Variants in ERCC2 observed in about 807,000 individuals in gnomAD.
The protein encoded by ERCC2 is general transcription and DNA repair factor IIH helicase subunit XPD.
In ERCC2, 90 loss-of-function variants were observed where a neutral mutation model predicts 99.4. The observed-to-expected ratio is 0.91, with a 90% CI of 0.76 to 1.08. The LOEUF (loss-of-function observed/expected upper bound fraction) is 1.08, where lower values mean the gene tolerates loss of function less well. Among genes scored for constraint, ERCC2 ranks in the 50% least tolerant of loss-of-function variants. ERCC2 has a pLI of 0.00. For missense variants in ERCC2, 993 were observed against 1,038.1 expected, an observed-to-expected ratio of 0.96 and a Z score of 0.60; for synonymous variants, 497 against 432.4, an observed-to-expected ratio of 1.15 and a Z score of -1.85.
intron 3 of ERCC2, 22 bp downstream of exon 3, chr19:45,369,048 A>T: frequency 6.2e-7 from 1 of 1,613,950 alleles, no homozygotes; most frequent in Non-Finnish European, 8.5e-7. Flanking sequence ...GTCTGCCTTT[A>T]CGGGTTCAGC....
At chr19:45,361,927 T>C in intron 11 of ERCC2, 2 of 416,020 alleles carry the variant, frequency 4.8e-6, no homozygotes, top group Non-Finnish European at 4.6e-6. Context: ...AGTGGGTTCT[T>C]TTTTTCTTTT....
chr19:45,352,390 T>C (rs920242540), intron 21 of ERCC2, 38 bp from the exon 22 acceptor site: 2 of 1,613,332 alleles, frequency 1.2e-6, no homozygotes, highest in Admixed American at 1.7e-5. Flanking sequence ...AGAAGGTCAT[T>C]CGGGGAGCCT....
chr19:45,352,722 T>TC (rs761978181), intron 20 of ERCC2, 24 bp downstream of exon 20: 1 of 1,613,566 alleles, frequency 6.2e-7, no homozygotes, highest in Non-Finnish European at 8.5e-7. Context: ...ACTGTGGGAC[T>TC]CCCTGGGAGA....
In ERCC2 at chr19:45,368,706, T is replaced by C. The variant is rs571718677; in HGVS notation, c.284A>G (p.Glu95Gly). The part of the protein sequence containing the change: ...EELRKLLNFY[E>G]KQEGEKLPFL... ...CGGCAGCTTCTCGCCCTCCTGCTTCTCATAGAAGTTGAGCAACTTTCGAAG... is the reference window on the plus strand; with the variant it reads ...CGGCAGCTTCTCGCCCTCCTGCTTCCCATAGAAGTTGAGCAACTTTCGAAG... The change falls in exon 5 of 23, where the codon GAG (glutamate) becomes GGG (glycine). Residue 95 changes from glutamate (E) to glycine (G), a missense_variant. By Grantham distance (98) the Glu-to-Gly change is moderately conservative (BLOSUM62 -2). Transcript: ENST00000391945. 5.4e-4 allele frequency: 867 copies of C among 1,614,046 alleles called. 15 individuals are homozygous for C. In the South Asian group the frequency reaches 8.9e-3, roughly 17 times the overall value.
intron 12 of ERCC2, chr19:45,358,906 G>A (rs538554356): frequency 2.6e-5 from 20 of 776,020 alleles, no homozygotes; most frequent in South Asian, 4.1e-5. Flanking sequence ...ACAGTGCTGA[G>A]CCTGGCCTGT....
chr19:45,352,266 G>C lies in ERCC2; in HGVS notation c.2133C>G (p.Asp711Glu). Reference protein sequence around the residue: ...LTDANLNLTVDEGVQVAKYFL... With the variant: ...LTDANLNLTVEEGVQVAKYFL... ...AGTACTTGGCCACCTGGACACCCTCGTCCACGGTCAGGTTGAGGTTGGCAT... is the reference window on the plus strand; with the variant it reads ...AGTACTTGGCCACCTGGACACCCTCCTCCACGGTCAGGTTGAGGTTGGCAT... The change falls in exon 22 of 23, where the codon GAC (aspartate) becomes GAG (glutamate). Residue 711 changes from aspartate (D) to glutamate (E), a missense_variant. By Grantham distance (45) the Asp-to-Glu change is conservative. Transcript: ENST00000391945. 6.2e-7 allele frequency: 1 copy of C among 1,613,906 alleles called. No homozygotes were observed. The highest frequency in any genetic ancestry group is 1.1e-5 in the South Asian group (1 of 91,072).
chr19:45,361,420 C>A, intron 12 of ERCC2, 104 bp downstream of exon 12: 1 of 853,540 alleles, frequency 1.2e-6, no homozygotes, highest in South Asian at 1.3e-5. Context: ...CCAAGCCAAA[C>A]CCCACAAAGC....
intron 14 of ERCC2, 30 bp downstream of exon 14, chr19:45,357,444 G>A (rs1264065964): frequency 6.2e-7 from 1 of 1,612,462 alleles, no homozygotes; most frequent in African/African-American, 1.3e-5. Flanking sequence ...GGAGGTCAGG[G>A]ACTAGGAGGG....
intron 5 of ERCC2, 128 bp downstream of exon 5, chr19:45,368,502 G>A (rs1485496775): frequency 1.1e-5 from 8 of 726,970 alleles, no homozygotes; most frequent in East Asian, 2.7e-5. Context: ...CCACTGAGAC[G>A]GGAATTCTGT....
In ERCC2 at chr19:45,363,730, T is replaced by C; in HGVS notation, c.1118+13A>G. 7 of 1,530,368 alleles carry C rather than the reference T, an allele frequency of 4.6e-6. No homozygotes were observed. The highest frequency in any genetic ancestry group is 6.1e-6 in the Non-Finnish European group (7 of 1,144,084). The allele number at this position is 1,530,368 out of a possible 1,614,324, so 94.8% of individuals were successfully genotyped here. ...TGCCGGGCCCCCACCCCGCGCGCTG[T>C]CTGGGGCCGCACCTGAGGGGCTTGC... is the stretch of plus-strand genomic sequence containing the variant. On this transcript the variant is annotated intron_variant, in intron 11 of 22. Coordinates refer to ENST00000391945, the MANE Select transcript of ERCC2 (RefSeq NM_000400.4).
At chr19:45,351,850 C>T (rs548298343) in intron 22 of ERCC2, 129 bp from the exon 23 acceptor site, 49 of 822,830 alleles carry the variant, frequency 6.0e-5, no homozygotes, top group Admixed American at 2.4e-4. Context: ...TGGAGATGTC[C>T]GTATAATCCA....
At position 45,351,403 on chromosome 19, in the gene ERCC2, G is replaced by C. The variant is rs745585393; in HGVS notation, c.*226C>G. The C allele has an allele frequency of 1.2e-5, 19 of 1,602,112 alleles. No homozygotes were observed. Among genetic ancestry groups the C allele is most frequent in the Non-Finnish European group, 1.6e-5 (19 of 1,177,696 alleles). ...CCGCAGCTTCTTGGGAACAGTGCAGGAGGGATGGGCTGGTGGGGTGAGAGG... is the reference window on the plus strand; with the variant it reads ...CCGCAGCTTCTTGGGAACAGTGCAGCAGGGATGGGCTGGTGGGGTGAGAGG... On this transcript the variant is annotated 3_prime_UTR_variant, in exon 23 of 23. Coordinates refer to ENST00000391945, the MANE Select transcript of ERCC2 (RefSeq NM_000400.4).
At chr19:45,370,059 C>T (rs1408372049) in intron 2 of ERCC2, 74 bp downstream of exon 2, 7 of 1,408,908 alleles carry the variant, frequency 5.0e-6, no homozygotes, top group Admixed American at 1.8e-5. Context: ...TCCAGACGTC[C>T]TGCAATCTGT....
chr19:45,365,790 C>CAAAAAA (rs112452981), intron 5 of ERCC2, among the ~76,000 whole-genome samples: 1 of 148,166 alleles, frequency 6.7e-6, no homozygotes. Flanking sequence ...GACTCCCTCT[C>CAAAAAA]AAAAAAAAAA....
intron 4 of ERCC2, 55 bp downstream of exon 4, chr19:45,368,875 C>A: frequency 6.3e-7 from 1 of 1,599,490 alleles, no homozygotes; most frequent in Non-Finnish European, 8.6e-7. Context: ...GCCAGGGGGA[C>A]CAATAGGGCC....
rs3916854 is a variant in ERCC2, at chr19:45,357,183, C to A, written c.1479+87G>T. 5.8e-4 allele frequency: 543 copies of A among 936,032 alleles called. 3 individuals carry two copies. In the African/African-American group the frequency reaches 7.9e-3, roughly 14 times the overall value. The allele number at this position is 936,032 out of a possible 1,614,324, so 58.0% of individuals were successfully genotyped here. ...GCCTCTTCGCTGTAAAGCTCTCCTG[C>A]CTGAGCAGTGGGGGAAGCCAAGGAA... On this transcript the variant is annotated intron_variant, in intron 15 of 22. Transcript: ENST00000391945.
In ERCC2 at chr19:45,353,455, G is replaced by A. The variant is rs1020200190; in HGVS notation, c.1666-121C>T. The A allele has an allele frequency of 5.3e-5, 38 of 719,050 alleles. No individual in the cohort carries two copies. The African/African-American group carries it at 5.4e-4, about 10-fold the overall frequency. 44.5% of individuals were successfully genotyped at this position (719,050 alleles called of 1,614,324 possible). A position where few individuals can be genotyped will look rare whatever the true frequency, so the allele number is the denominator to read the frequency against. ...GGGCCTCAGCTGGCTCATCTGAGAT[G>A]TGGTGAGGGAGGGTGGAATTGTCCA... On this transcript the variant is annotated intron_variant, in intron 17 of 22. Coordinates refer to ENST00000391945, the MANE Select transcript of ERCC2 (RefSeq NM_000400.4).
chr19:45,364,214 G>A (rs1176394382), intron 9 of ERCC2, 21 bp downstream of exon 9: 5 of 1,612,278 alleles, frequency 3.1e-6, no homozygotes, highest in African/African-American at 1.3e-5. Flanking sequence ...GGGCACCACC[G>A]CCAGACGTCC....
In ERCC2 at chr19:45,349,951, C is replaced by T. The variant is rs895183405; in HGVS notation, c.*1678G>A. ...AGGTGGGAGCTGTCGCTCCACTTTG[C>T]GTGTGGGAAGACTGAGGCACCGAGG... On this transcript the variant is annotated 3_prime_UTR_variant, in exon 23 of 23. Coordinates refer to ENST00000391945, the MANE Select transcript of ERCC2 (RefSeq NM_000400.4). 5 of 410,282 alleles carry T rather than the reference C, an allele frequency of 1.2e-5. No homozygotes were observed. Among genetic ancestry groups the T allele is most frequent in the Non-Finnish European group, 2.2e-5 (5 of 227,596 alleles). The allele number at this position is 410,282 out of a possible 1,614,324, so 25.4% of individuals were successfully genotyped here.
Sources: allele counts gnomAD v4.1 joint callset (sites outside exome capture counted in the v4.1 genomes callset), GRCh38; gene constraint gnomAD v4.1.1; transcripts MANE v1.5; gene names NCBI Gene and HGNC (gene_info 2026-07-23, HGNC 2026-07-21).